Variants in ATAD5 observed in about 807,000 individuals in gnomAD.
ATAD5 encodes the protein ATPase family AAA domain-containing protein 5.
Under a neutral mutation model 176.9 loss-of-function variants are expected in ATAD5, and 58 were observed. That is an observed-to-expected ratio of 0.33 (90% CI 0.27 to 0.41). The LOEUF (loss-of-function observed/expected upper bound fraction) is 0.41. Among genes scored for constraint, ATAD5 ranks in the 10% least tolerant of loss-of-function variants. ATAD5 has a pLI of 1.00. For synonymous variants in ATAD5, 640 were observed against 712.6 expected (o/e 0.90, Z 1.62); for missense variants, 1,789 against 2,094.1 (o/e 0.85, Z 2.84).
chr17:30,851,783 G>A (rs892116056), intron 6 of ATAD5, among the ~76,000 whole-genome samples: 16 of 152,122 alleles, frequency 1.1e-4, no homozygotes, highest in African/African-American at 2.7e-4. Context: ...GGGTTTTGCC[G>A]TGTTGGCCAG....
chr17:30,857,156 A>T (rs1907335849), intron 8 of ATAD5, 44 bp downstream of exon 8: 1 of 1,553,436 alleles, frequency 6.4e-7, no homozygotes, highest in Non-Finnish European at 8.6e-7. Flanking sequence ...TTTCCCTTAC[A>T]TCTTGCAGAG....
chr17:30,887,158 A>C (rs1379923787), intron 18 of ATAD5, 34 bp from the exon 19 acceptor site: 2 of 1,523,696 alleles, frequency 1.3e-6, no homozygotes, highest in Non-Finnish European at 8.8e-7. Context: ...ATTTGAACTC[A>C]GCAGTTAACC....
intron 10 of ATAD5, among the ~76,000 whole-genome samples, chr17:30,863,665 T>C (rs1455443768): frequency 5.0e-5 from 2 of 40,162 alleles, no homozygotes; most frequent in African/African-American, 3.2e-4. Context: ...CGCGTCCGGC[T>C]TTTTTTTTTT....
At chr17:30,867,988 A>G (rs926187461) in intron 11 of ATAD5, among the ~76,000 whole-genome samples, 34 of 152,034 alleles carry the variant, frequency 2.2e-4, no homozygotes, top group Admixed American at 1.3e-4. Context: ...GTGTATTTTT[A>G]TGTTTTTCCT....
Position 30,869,619 on chromosome 17 carries a change from AAT to A in ATAD5, c.3582_3583del (p.Asn1194LysfsTer15). Reference sequence around the variant, plus strand: ...AAACTCACAAAAACCCTGTTTTTTTAATAGCTACTACATAGGCAAGTCACCAA... The same window carrying A: ...AAACTCACAAAAACCCTGTTTTTTTAAGCTACTACATAGGCAAGTCACCAA... ...GVNSQKPCFFNSYYIGKSPKK... is the reference protein window; with the variant it reads ...GVNSQKPCFFXSYYIGKSPKK... On this transcript the variant is annotated frameshift_variant, in exon 14 of 23. Coordinates refer to ENST00000321990, the MANE Select transcript of ATAD5 (RefSeq NM_024857.5). LOFTEE classifies it high-confidence loss of function. The A allele has an allele frequency of 1.9e-6, 3 of 1,602,152 alleles. No individual in the cohort carries two copies. The highest frequency in any genetic ancestry group is 2.5e-6 in the Non-Finnish European group (3 of 1,177,264).
chr17:30,890,766 T>C (rs969334456), intron 19 of ATAD5, among the ~76,000 whole-genome samples: 1 of 151,642 alleles, frequency 6.6e-6, no homozygotes, highest in African/African-American at 2.4e-5. Context: ...ATACATTTCA[T>C]CCCTGCCCTT....
chr17:30,834,263 A>G lies in ATAD5; in HGVS notation c.182A>G (p.Asn61Ser). 1 of 1,613,712 alleles carries G rather than the reference A, an allele frequency of 6.2e-7. No homozygotes were observed. Among genetic ancestry groups the G allele is most frequent in the Non-Finnish European group, 8.5e-7 (1 of 1,179,848 alleles). The change falls in exon 2 of 23, where the codon AAT becomes AGT. Residue 61 changes from asparagine (N) to serine (S), a missense_variant. Asn to Ser is a conservative substitution (Grantham distance 46). Transcript: ENST00000321990. ...GTTTTTGCTCCACCAAAACCTAGTA[A>G]TATTCTGGATTATTTTAGAAAGACT... is the stretch of plus-strand genomic sequence containing the variant. ...DRVFAPPKPS[N>S]ILDYFRKTSP...
intron 2 of ATAD5, among the ~76,000 whole-genome samples, chr17:30,836,336 G>A (rs996845377): frequency 2.0e-5 from 3 of 151,616 alleles, no homozygotes; most frequent in Non-Finnish European, 2.9e-5. Context: ...CCGCCACCAC[G>A]CCCAGCTAAT....
intron 19 of ATAD5, among the ~76,000 whole-genome samples, chr17:30,890,261 C>T (rs1909560403): frequency 6.6e-6 from 1 of 151,936 alleles, no homozygotes; most frequent in Non-Finnish European, 1.5e-5. Context: ...TTAACCATTT[C>T]TCAAAAGTAA....
chr17:30,873,619 AT>A (rs545547346), intron 14 of ATAD5, among the ~76,000 whole-genome samples: 226 of 150,956 alleles, frequency 1.5e-3, no homozygotes, highest in African/African-American at 4.5e-3. Flanking sequence ...TGCCTGGCCA[AT>A]TTTTTTAGAA....
At chr17:30,869,757 C>A in intron 14 of ATAD5, 111 bp downstream of exon 14, 3 of 1,161,136 alleles carry the variant, frequency 2.6e-6, no homozygotes, top group South Asian at 1.5e-5. Context: ...TACACGTACA[C>A]GTTTCCTGCC....
rs1909856102 is a variant in ATAD5, at chr17:30,895,404, GCTT to G, written c.*492_*494del. On this transcript the variant is annotated 3_prime_UTR_variant, in exon 23 of 23. Coordinates refer to ENST00000321990, the MANE Select transcript of ATAD5 (RefSeq NM_024857.5). ...TCATATTGTACAGTTTTTTTTGTGT[GCTT>G]TTTTTTTTTTTTTTTGAGACGGAAT... is the stretch of plus-strand genomic sequence containing the variant. 2.1e-5 allele frequency: 3 copies of G among 144,248 alleles called. 1 individual carries two copies. The highest frequency in any genetic ancestry group is 2.1e-4 in the Admixed American group (3 of 14,432). 8.9% of individuals were successfully genotyped at this position (144,248 alleles called of 1,614,324 possible). A position where few individuals can be genotyped will look rare whatever the true frequency, so the allele number is the denominator to read the frequency against.
At chr17:30,849,330 C>G (rs1906728575) in intron 6 of ATAD5, among the ~76,000 whole-genome samples, 1 of 152,110 alleles carries the variant, frequency 6.6e-6, no homozygotes, top group Non-Finnish European at 1.5e-5. Context: ...CTCCTGGGCT[C>G]AAGCAATCTT....
At chr17:30,855,624 C>T (rs1453640255) in intron 7 of ATAD5, among the ~76,000 whole-genome samples, 1 of 151,936 alleles carries the variant, frequency 6.6e-6, no homozygotes, top group Admixed American at 6.6e-5. Flanking sequence ...AGAGCTTGAG[C>T]CCAGGAGTTC....
intron 14 of ATAD5, among the ~76,000 whole-genome samples, chr17:30,875,327 A>T (rs1230072323): frequency 6.6e-6 from 1 of 152,132 alleles, no homozygotes; most frequent in African/African-American, 2.4e-5. Flanking sequence ...AGCATCTCTA[A>T]AAATACATTT....
chr17:30,871,327 G>A (rs1256487365), intron 14 of ATAD5, among the ~76,000 whole-genome samples: 6 of 150,668 alleles, frequency 4.0e-5, no homozygotes, highest in African/African-American at 1.5e-4. Context: ...AATGGTCTTG[G>A]TTATTAATTC....
At chr17:30,871,768 A>G (rs895732627) in intron 14 of ATAD5, among the ~76,000 whole-genome samples, 1 of 152,120 alleles carries the variant, frequency 6.6e-6, no homozygotes, top group African/African-American at 2.4e-5. Flanking sequence ...CAGACTTTGT[A>G]GAGTTTGCCT....
chr17:30,888,040 G>A (rs958687666), intron 19 of ATAD5, among the ~76,000 whole-genome samples: 1 of 151,426 alleles, frequency 6.6e-6, no homozygotes, highest in Non-Finnish European at 1.5e-5. Context: ...TCATTATGTT[G>A]GCTAGGCTGG....
intron 19 of ATAD5, among the ~76,000 whole-genome samples, chr17:30,890,828 C>T (rs1909598834): frequency 6.6e-6 from 1 of 151,540 alleles, no homozygotes; most frequent in Non-Finnish European, 1.5e-5. Flanking sequence ...TGAAAGTAGC[C>T]ACAGTTAGAC....
Sources: allele counts gnomAD v4.1 joint callset (sites outside exome capture counted in the v4.1 genomes callset), GRCh38; gene constraint gnomAD v4.1.1; transcripts MANE v1.5; gene names NCBI Gene and HGNC (gene_info 2026-07-23, HGNC 2026-07-21).